CACNA1D: variants seen among roughly 807,000 people sequenced by gnomAD.
CACNA1D encodes the protein voltage-dependent L-type calcium channel subunit alpha-1D.
CACNA1D carries 55 observed loss-of-function variants against 257.1 expected under a neutral mutation model. That is an observed-to-expected ratio of 0.21 (90% CI 0.17 to 0.27). The LOEUF (loss-of-function observed/expected upper bound fraction) is 0.27. CACNA1D is among the 10% of genes least tolerant of loss of function. CACNA1D has a pLI of 1.00. For synonymous variants in CACNA1D, 980 were observed against 1,014.9 expected (o/e 0.97, Z 0.65); for missense variants, 1,876 against 2,784.0 (o/e 0.67, Z 7.34).
At position 53,778,016 on chromosome 3, in the gene CACNA1D, G is replaced by T. The variant is rs3774587; in HGVS notation, c.4587+1060G>T. 3.1e-3 allele frequency among the ~76,000 whole-genome samples: 476 copies of T among 152,300 alleles called. 5 individuals are homozygous for T. In the East Asian group the frequency reaches 0.035, roughly 11 times the overall value. The stretch of plus-strand genomic sequence containing the variant: ...CGTTTTTACCACTCCAGGATGCTGA[G>T]CCAGCTCTAGACAGAAACCAAGGTA... On this transcript the variant is annotated intron_variant, in intron 37 of 47. Coordinates refer to ENST00000350061, the MANE Select transcript of CACNA1D (RefSeq NM_001128840.3).
At position 53,751,788 on chromosome 3, in the gene CACNA1D, C is replaced by T; in HGVS notation, c.3556C>T (p.Arg1186Trp). Residue 1186 changes from arginine to tryptophan, a missense_variant, in exon 28 of 48, where the codon CGG (arginine) becomes TGG (tryptophan). Physicochemically the swap from Arg to Trp is moderately radical, Grantham distance 101. This residue lies in a region of CACNA1D where 204 missense variants were observed against 309.4 expected (regional missense o/e 0.66). Coordinates refer to ENST00000350061, the MANE Select transcript of CACNA1D (RefSeq NM_001128840.3). This position sits in a 1 kb window ranked among gnomAD's most constrained non-coding sequence, Gnocchi z 4.3. ...VEYALKARPL[R>W]RYIPKNPYQY... ...ATACGCCTTGAAAGCACGTCCCTTG[C>T]GGAGATACATCCCCAAAAACCCCTA... The T allele has an allele frequency of 1.2e-6, 2 of 1,614,120 alleles. No individual in the cohort carries two copies. The highest frequency in any genetic ancestry group is 1.7e-6 in the Non-Finnish European group (2 of 1,179,982).
chr3:53,519,319 C>CT lies in CACNA1D; in HGVS notation c.483+17608dup, dbSNP rs1177452447. 5.3e-5 allele frequency among the ~76,000 whole-genome samples: 8 copies of CT among 151,768 alleles called. No individual in the cohort carries two copies. In the South Asian group the frequency reaches 1.5e-3, roughly 28 times the overall value. ...ACTCAGAAGGATATGTAAGTTTCTG[C>CT]TTTTTTTTTCTTGCCTGTTTCAAAA... On this transcript the variant is annotated intron_variant, in intron 3 of 47. Transcript: ENST00000350061.
chr3:53,666,518 A>G lies in CACNA1D; in HGVS notation c.1099A>G (p.Thr367Ala). 1 of 1,613,850 alleles carries G rather than the reference A, an allele frequency of 6.2e-7. No individual in the cohort carries two copies. Among genetic ancestry groups the G allele is most frequent in the Non-Finnish European group, 8.5e-7 (1 of 1,179,720 alleles). The change falls in exon 7 of 48, where the codon ACA becomes GCA. Residue 367 changes from threonine (T) to alanine (A), a missense_variant. Transcript: ENST00000350061. ...VFQCITMEGW[T>A]DVLYWMNDAM... ...TCAGTGCATCACCATGGAGGGCTGGACAGATGTGCTCTACTGGGTAAGTAC... is the reference window on the plus strand; with the variant it reads ...TCAGTGCATCACCATGGAGGGCTGGGCAGATGTGCTCTACTGGGTAAGTAC...
At chr3:53,552,958 A>G (rs2092565130) in intron 3 of CACNA1D, among the ~76,000 whole-genome samples, 1 of 152,220 alleles carries the variant, frequency 6.6e-6, no homozygotes, top group South Asian at 2.1e-4. Flanking sequence ...AATTGAAGGC[A>G]GGCTGAGCCT....
chr3:53,810,758 C>CAAAAAAAAAAAAAAAAAAAAAAAAAAAAA (rs71074934), intron 47 of CACNA1D, among the ~76,000 whole-genome samples: 4 of 68,290 alleles, frequency 5.9e-5, no homozygotes, highest in Non-Finnish European at 9.6e-5. Context: ...ACTCTTGTCT[C>CAAAAAAAAAAAAAAAAAAAAAAAAAAAAA]AAAAAAAAAA....
intron 12 of CACNA1D, 37 bp downstream of exon 12, chr3:53,722,511 A>G: frequency 6.2e-7 from 1 of 1,607,088 alleles, no homozygotes; most frequent in Non-Finnish European, 8.5e-7. Context: ...GTTCTGAACT[A>G]GAGATTTCTG....
chr3:53,604,361 G>A (rs1385841827), intron 3 of CACNA1D, among the ~76,000 whole-genome samples: 1 of 152,188 alleles, frequency 6.6e-6, no homozygotes, highest in Admixed American at 6.5e-5. Flanking sequence ...GGGGAGTGGA[G>A]CTCAGTAGAT....
chr3:53,663,879 C>T (rs1278475367), intron 5 of CACNA1D, among the ~76,000 whole-genome samples: 1 of 152,076 alleles, frequency 6.6e-6, no homozygotes, highest in Non-Finnish European at 1.5e-5. Flanking sequence ...GATTCCCCCA[C>T]CTCAGTCTCC....
chr3:53,509,211 A>G (rs932941171), intron 3 of CACNA1D, among the ~76,000 whole-genome samples: 1 of 146,604 alleles, frequency 6.8e-6, no homozygotes. Context: ...TGGAGGAAGA[A>G]ACAGAATAGC....
chr3:53,538,178 C>T (rs567838880), intron 3 of CACNA1D, among the ~76,000 whole-genome samples: 30 of 108,214 alleles, frequency 2.8e-4, no homozygotes, highest in African/African-American at 1.4e-3. Flanking sequence ...GACAGAGTCT[C>T]GTTCTATCTC....
At chr3:53,521,962 CAAAA>C (rs34352856) in intron 3 of CACNA1D, among the ~76,000 whole-genome samples, 2 of 125,502 alleles carry the variant, frequency 1.6e-5, no homozygotes, top group East Asian at 2.3e-4. Flanking sequence ...CCATCTCTAC[CAAAA>C]AAAAAAAAAA....
At chr3:53,517,817 G>A (rs2091404148) in intron 3 of CACNA1D, among the ~76,000 whole-genome samples, 1 of 152,192 alleles carries the variant, frequency 6.6e-6, no homozygotes, top group Admixed American at 6.5e-5. Context: ...CTTCCTGACT[G>A]TTCCTTGAAC....
At position 53,544,439 on chromosome 3, in the gene CACNA1D, G is replaced by T. The variant is rs76948932; in HGVS notation, c.483+42719G>T. Among the ~76,000 whole-genome samples the T allele has an allele frequency of 4.8e-3, 735 of 152,056 alleles. 6 individuals are homozygous for T. The highest frequency in any genetic ancestry group is 0.017 in the African/African-American group (706 of 41,458). On this transcript the variant is annotated intron_variant, in intron 3 of 47. Transcript: ENST00000350061. ...TCCTGAGACAGAGGGGACTGGGGCT[G>T]GCTCCCACCCAGATGAAAACCTGCA...
chr3:53,720,204 C>G (rs913709173), intron 11 of CACNA1D, among the ~76,000 whole-genome samples: 8 of 152,154 alleles, frequency 5.3e-5, no homozygotes, highest in Admixed American at 1.3e-4. Context: ...GATTAGTGTA[C>G]TTTTTCATCT....
Position 53,539,294 on chromosome 3 carries a change from G to A in CACNA1D, c.483+37574G>A, listed in dbSNP as rs191824661. 1.2e-4 allele frequency among the ~76,000 whole-genome samples: 19 copies of A among 152,148 alleles called. No homozygotes were observed. The East Asian group carries it at 3.7e-3, about 30-fold the overall frequency. On this transcript the variant is annotated intron_variant, in intron 3 of 47. Transcript: ENST00000350061. ...CTGACTAATTTTTGTATTTTTAGTA[G>A]AGACAGGTTTTCACCATGTTAGCCA...
At chr3:53,788,646 G>A (rs933526065) in intron 40 of CACNA1D, among the ~76,000 whole-genome samples, 2 of 152,268 alleles carry the variant, frequency 1.3e-5, no homozygotes, top group South Asian at 2.1e-4. Context: ...GGAGTCCCCT[G>A]CCCAGAAGAT....
At chr3:53,613,323 C>T (rs2107974844) in intron 3 of CACNA1D, among the ~76,000 whole-genome samples, 1 of 152,302 alleles carries the variant, frequency 6.6e-6, no homozygotes, top group South Asian at 2.1e-4. Flanking sequence ...CATAATGCCT[C>T]AGTTTGTTAT....
At chr3:53,683,681 A>G (rs2094451237) in intron 8 of CACNA1D, among the ~76,000 whole-genome samples, 1 of 151,582 alleles carries the variant, frequency 6.6e-6, no homozygotes, top group Non-Finnish European at 1.5e-5. Context: ...GAAGGAAAAG[A>G]TGGACATAAT....
intron 8 of CACNA1D, among the ~76,000 whole-genome samples, chr3:53,686,999 G>T (rs1368127518): frequency 6.6e-6 from 1 of 151,940 alleles, no homozygotes; most frequent in African/African-American, 2.4e-5. Context: ...CAAGCTGCAG[G>T]TGTTGAAAAT....
Sources: gnomAD v4.1 joint callset for allele counts (sites outside exome capture counted in the v4.1 genomes callset) on GRCh38, gnomAD v4.1.1 for gene constraint, gnomAD v4.1.1 regional missense constraint, Gnocchi (gnomAD v3.1) non-coding constraint, MANE v1.5 for transcripts, NCBI Gene and HGNC (gene_info 2026-07-23, HGNC 2026-07-21) for gene names.